The following BMP5 variants were observed in gnomAD, a reference collection of about 807,000 sequenced individuals.
The protein encoded by BMP5 is bone morphogenetic protein 5.
In BMP5, 23 loss-of-function variants were observed where a neutral mutation model predicts 46.6. That is an observed-to-expected ratio of 0.49 (90% CI 0.35 to 0.70). BMP5 has a LOEUF of 0.70. Among genes scored for constraint, BMP5 ranks in the 30% least tolerant of loss-of-function variants. The pLI is 0.00. For synonymous variants in BMP5, 204 were observed against 191.9 expected, an observed-to-expected ratio of 1.06 and a Z score of -0.52; for missense variants, 545 against 565.6, an observed-to-expected ratio of 0.96 and a Z score of 0.37.
chr6:55,851,442 A>G (rs546376019), intron 1 of BMP5, among the ~76,000 whole-genome samples: 61 of 152,270 alleles, frequency 4.0e-4, no homozygotes, highest in Admixed American at 2.3e-3. Flanking sequence ...AAGCAAGACT[A>G]GAGCGGTTGT....
At chr6:55,816,926 C>G (rs557522078) in intron 2 of BMP5, among the ~76,000 whole-genome samples, 2 of 152,052 alleles carry the variant, frequency 1.3e-5, no homozygotes, top group East Asian at 3.9e-4. Flanking sequence ...ACTCTATCAA[C>G]AAGTGGGCGA....
chr6:55,760,465 C>A lies in BMP5; in HGVS notation c.1096G>T (p.Gly366Ter). ...HELYVSFRDL[G>*]WQDWIIAPEG... ...TGACTGAAAATTCCTACCTGCCATC[C>A]CAGATCCCGGAAGCTCACATAGAGT... The change falls in exon 5 of 7, where the codon GGA becomes TGA. Residue 366 changes from glycine (G) to a stop codon, truncating the protein, a stop_gained. Coordinates refer to ENST00000370830, the MANE Select transcript of BMP5 (RefSeq NM_021073.4). LOFTEE classifies it high-confidence loss of function. The A allele has an allele frequency of 6.2e-7, 1 of 1,612,994 alleles. No individual in the cohort carries two copies. The highest frequency in any genetic ancestry group is 8.5e-7 in the Non-Finnish European group (1 of 1,179,258).
chr6:55,844,303 T>A (rs1302081580), intron 1 of BMP5, among the ~76,000 whole-genome samples: 2 of 152,050 alleles, frequency 1.3e-5, no homozygotes. Context: ...TAATTTTTAT[T>A]TGGATAATCA....
intron 2 of BMP5, among the ~76,000 whole-genome samples, chr6:55,799,217 G>A (rs1489430699): frequency 1.3e-5 from 2 of 152,098 alleles, no homozygotes; most frequent in African/African-American, 4.8e-5. Flanking sequence ...ATCTGGTTAA[G>A]AGGTAAATTA....
chr6:55,774,368 C>G (rs189315038), intron 3 of BMP5, 125 bp from the exon 4 acceptor site: 2 of 847,388 alleles, frequency 2.4e-6, no homozygotes, highest in African/African-American at 3.4e-5. Context: ...GCCTTCCTTA[C>G]AGGCCAAGAT....
Position 55,874,604 on chromosome 6 carries a change from T to C in BMP5, c.262A>G (p.Met88Val). ...TCTTCAGGATTTTCTTCATTGGTCA[T>C]GGCATTGTAGAGATCCAGCATAAAG... ...PLFMLDLYNAMTNEENPEESE... is the reference protein window; with the variant it reads ...PLFMLDLYNAVTNEENPEESE... The change falls in exon 1 of 7, where the codon ATG (methionine) becomes GTG (valine). Residue 88 changes from methionine to valine, a missense_variant. By Grantham distance (21) the Met-to-Val change is conservative. Transcript: ENST00000370830. 2 of 1,613,608 alleles carry C rather than the reference T, an allele frequency of 1.2e-6. No individual in the cohort carries two copies. The highest frequency in any genetic ancestry group is 1.7e-6 in the Non-Finnish European group (2 of 1,179,704).
At position 55,874,541 on chromosome 6, in the gene BMP5, T is replaced by C; in HGVS notation, c.325A>G (p.Thr109Ala). 2 of 1,613,408 alleles carry C rather than the reference T, an allele frequency of 1.2e-6. No homozygotes were observed. Among genetic ancestry groups the C allele is most frequent in the Non-Finnish European group, 1.7e-6 (2 of 1,179,660 alleles). ...YSVRASLAEETRGARKGYPAS... is the reference protein window; with the variant it reads ...YSVRASLAEEARGARKGYPAS... Reference sequence around the variant, plus strand: ...GGGTATCCCTTTCTTGCCCCTCTGGTCTCTTCTGCCAAGGATGCCCTTACT... The same window carrying C: ...GGGTATCCCTTTCTTGCCCCTCTGGCCTCTTCTGCCAAGGATGCCCTTACT... The change falls in exon 1 of 7, where the codon ACC (threonine) becomes GCC (alanine). Residue 109 changes from threonine (T) to alanine (A), a missense_variant. Coordinates refer to ENST00000370830, the MANE Select transcript of BMP5 (RefSeq NM_021073.4).
At chr6:55,785,967 T>G (rs182734092) in intron 3 of BMP5, among the ~76,000 whole-genome samples, 23 of 151,882 alleles carry the variant, frequency 1.5e-4, no homozygotes, top group Admixed American at 4.6e-4. Context: ...AAAAGAACTC[T>G]CTAGAAATCT....
intron 2 of BMP5, among the ~76,000 whole-genome samples, chr6:55,807,387 C>T (rs1776016096): frequency 6.6e-6 from 1 of 152,192 alleles, no homozygotes; most frequent in South Asian, 2.1e-4. Context: ...ATATGTTGAA[C>T]CAGCCTTGCA....
At chr6:55,855,086 C>T (rs1314588856) in intron 1 of BMP5, among the ~76,000 whole-genome samples, 1 of 152,086 alleles carries the variant, frequency 6.6e-6, no homozygotes, top group African/African-American at 2.4e-5. Flanking sequence ...ATCATATTTT[C>T]AGCAACTACC....
intron 3 of BMP5, among the ~76,000 whole-genome samples, chr6:55,783,846 A>G (rs1272627246): frequency 6.6e-6 from 1 of 151,988 alleles, no homozygotes; most frequent in African/African-American, 2.4e-5. Context: ...GGGAAAATCA[A>G]AAACAGAAAT....
chr6:55,812,136 T>G (rs1042220377), intron 2 of BMP5, among the ~76,000 whole-genome samples: 22 of 152,186 alleles, frequency 1.4e-4, no homozygotes, highest in African/African-American at 5.3e-4. Context: ...TATAGAGCAA[T>G]GCCTTCTATA....
chr6:55,836,868 CT>C (rs1776807792), intron 1 of BMP5, among the ~76,000 whole-genome samples: 1 of 152,008 alleles, frequency 6.6e-6, no homozygotes, highest in Non-Finnish European at 1.5e-5. Flanking sequence ...ATCTAAAACG[CT>C]TCTTAAAGTT....
chr6:55,784,412 TA>T (rs1308814630), intron 3 of BMP5, among the ~76,000 whole-genome samples: 5 of 151,992 alleles, frequency 3.3e-5, no homozygotes, highest in African/African-American at 1.2e-4. Flanking sequence ...TTCAATTTAT[TA>T]TTGAATATAT....
Position 55,875,279 on chromosome 6 carries a change from CT to C in BMP5, c.-415del. On this transcript the variant is annotated 5_prime_UTR_variant, in exon 1 of 7. Transcript: ENST00000370830. ...TAGTTCCCAAAGTAATCTTCACTTG[CT>C]TTTGAGTTCTTCTCAACCCTTGAGC... 4.7e-6 allele frequency: 1 copy of C among 211,064 alleles called. No homozygotes were observed. The highest frequency in any genetic ancestry group is 1.3e-4 in the East Asian group (1 of 7,944). The allele number at this position is 211,064 out of a possible 1,614,324, so 13.1% of individuals were successfully genotyped here.
At position 55,848,487 on chromosome 6, in the gene BMP5, T is replaced by C. The variant is rs115561220; in HGVS notation, c.490+25889A>G. ...TTATACACATACATGTAAGTCTAGC[T>C]ACGATATGATAAATGGTATCACAAT... On this transcript the variant is annotated intron_variant, in intron 1 of 6. Coordinates refer to ENST00000370830, the MANE Select transcript of BMP5 (RefSeq NM_021073.4). Among the ~76,000 whole-genome samples the C allele has an allele frequency of 4.9e-3, 738 of 152,100 alleles. 5 individuals carry two copies. Among genetic ancestry groups the C allele is most frequent in the African/African-American group, 0.016 (681 of 41,550 alleles).
At chr6:55,788,606 C>T (rs1401781907) in intron 3 of BMP5, among the ~76,000 whole-genome samples, 1 of 151,764 alleles carries the variant, frequency 6.6e-6, no homozygotes, top group Non-Finnish European at 1.5e-5. Flanking sequence ...AATCTCTAGT[C>T]CAATTTATCA....
At chr6:55,811,765 C>T (rs774718118) in intron 2 of BMP5, among the ~76,000 whole-genome samples, 2 of 151,812 alleles carry the variant, frequency 1.3e-5, no homozygotes, top group Non-Finnish European at 2.9e-5. Context: ...TCCTACTCTT[C>T]TTGAAAAGTT....
intron 1 of BMP5, among the ~76,000 whole-genome samples, chr6:55,836,238 T>C (rs942196299): frequency 4.6e-5 from 7 of 152,188 alleles, no homozygotes; most frequent in Admixed American, 6.5e-5. Flanking sequence ...TTAAGTACTA[T>C]ATAAAAATCA....
Sources: allele counts gnomAD v4.1 joint callset (sites outside exome capture counted in the v4.1 genomes callset), GRCh38; gene constraint gnomAD v4.1.1; transcripts MANE v1.5; gene names NCBI Gene and HGNC (gene_info 2026-07-23, HGNC 2026-07-21).